Variants in IGF2BP2 observed in about 807,000 individuals in gnomAD.
The protein encoded by IGF2BP2 is insulin-like growth factor 2 mRNA-binding protein 2.
A neutral mutation model predicts 75.8 loss-of-function variants in IGF2BP2; 17 were observed. That is an observed-to-expected ratio of 0.22 (90% CI 0.15 to 0.34). The LOEUF (loss-of-function observed/expected upper bound fraction) is 0.34, where lower values mean the gene tolerates loss of function less well. Among genes scored for constraint, IGF2BP2 ranks in the 10% least tolerant of loss-of-function variants. IGF2BP2 has a pLI of 1.00. For synonymous variants in IGF2BP2, 288 were observed against 295.6 expected, an observed-to-expected ratio of 0.97 and a Z score of 0.26; for missense variants, 516 against 772.4, an observed-to-expected ratio of 0.67 and a Z score of 3.93.
chr3:185,694,858 G>A (rs1351412055), intron 4 of IGF2BP2, among the ~76,000 whole-genome samples: 2 of 152,218 alleles, frequency 1.3e-5, no homozygotes, highest in African/African-American at 4.8e-5. Context: ...AGGCCAAGGT[G>A]GGTGGATCAC....
chr3:185,752,940 A>G (rs1301987548), intron 2 of IGF2BP2, among the ~76,000 whole-genome samples: 1 of 152,206 alleles, frequency 6.6e-6, no homozygotes, highest in East Asian at 1.9e-4. Context: ...GAGAAGTAAG[A>G]CATACAAATT....
intron 2 of IGF2BP2, among the ~76,000 whole-genome samples, chr3:185,772,598 T>C (rs1021590971): frequency 5.4e-5 from 8 of 148,840 alleles, no homozygotes; most frequent in African/African-American, 2.0e-4. Flanking sequence ...TTTTTTTTTT[T>C]TGAGACAAAG....
intron 2 of IGF2BP2, among the ~76,000 whole-genome samples, chr3:185,738,445 G>C (rs1480531705): frequency 6.6e-6 from 1 of 152,202 alleles, no homozygotes; most frequent in Non-Finnish European, 1.5e-5. Context: ...GGCAGGAACA[G>C]CCTAGGGGAG....
chr3:185,742,218 G>A (rs1025386524), intron 2 of IGF2BP2, among the ~76,000 whole-genome samples: 1 of 151,490 alleles, frequency 6.6e-6, no homozygotes, highest in Non-Finnish European at 1.5e-5. Flanking sequence ...AGCCGGCCAG[G>A]CACAGTGGCT....
At chr3:185,797,975 G>A (rs150012264) in intron 2 of IGF2BP2, among the ~76,000 whole-genome samples, 9,009 of 151,348 alleles carry the variant, frequency 0.06, 328 homozygotes, top group African/African-American at 0.1. Context: ...GCCGAGGCAG[G>A]TGGATCACCT....
chr3:185,748,001 G>A (rs573405951), intron 2 of IGF2BP2, among the ~76,000 whole-genome samples: 8 of 152,108 alleles, frequency 5.3e-5, no homozygotes, highest in East Asian at 1.9e-4. Context: ...GACTACAGGC[G>A]CCTGCCACCA....
At chr3:185,822,410 GAT>G (rs1433717184) in intron 2 of IGF2BP2, among the ~76,000 whole-genome samples, 1 of 152,144 alleles carries the variant, frequency 6.6e-6, no homozygotes, top group Non-Finnish European at 1.5e-5. Context: ...TTTAAACAAA[GAT>G]GTTTTCTCTT....
chr3:185,669,519 A>C (rs1322740176), intron 10 of IGF2BP2, among the ~76,000 whole-genome samples: 2 of 149,584 alleles, frequency 1.3e-5, no homozygotes, highest in African/African-American at 4.9e-5. Context: ...CCTGCTTCTT[A>C]AACACTATGC....
At chr3:185,809,073 TA>T (rs1179391149) in intron 2 of IGF2BP2, among the ~76,000 whole-genome samples, 2 of 152,120 alleles carry the variant, frequency 1.3e-5, no homozygotes, top group African/African-American at 2.4e-5. Flanking sequence ...TATATTGCAA[TA>T]AGCGAATAGC....
At chr3:185,701,529 T>C (rs1723307048) in intron 2 of IGF2BP2, among the ~76,000 whole-genome samples, 1 of 152,230 alleles carries the variant, frequency 6.6e-6, no homozygotes, top group African/African-American at 2.4e-5. Flanking sequence ...TATTAATGTA[T>C]GTGGCAAACA....
At chr3:185,749,174 G>GA (rs752536401) in intron 2 of IGF2BP2, among the ~76,000 whole-genome samples, 4 of 150,046 alleles carry the variant, frequency 2.7e-5, no homozygotes, top group East Asian at 1.9e-4. Flanking sequence ...AAAGAAAAAA[G>GA]AAAAAAAAGA....
At chr3:185,794,893 A>T (rs544608673) in intron 2 of IGF2BP2, among the ~76,000 whole-genome samples, 4 of 151,646 alleles carry the variant, frequency 2.6e-5, no homozygotes, top group East Asian at 2.0e-4. Flanking sequence ...TACTCCAGTT[A>T]TCTTTTCTTT....
intron 2 of IGF2BP2, among the ~76,000 whole-genome samples, chr3:185,778,340 G>A (rs1734784922): frequency 6.6e-6 from 1 of 152,130 alleles, no homozygotes; most frequent in African/African-American, 2.4e-5. Context: ...GAATATGGGA[G>A]GAAACTGGAG....
At chr3:185,709,344 T>C (rs1263321138) in intron 2 of IGF2BP2, among the ~76,000 whole-genome samples, 2 of 152,204 alleles carry the variant, frequency 1.3e-5, no homozygotes, top group Non-Finnish European at 2.9e-5. Context: ...ACTACCTGTG[T>C]CTGTTTTTTC....
intron 2 of IGF2BP2, among the ~76,000 whole-genome samples, chr3:185,754,826 G>A (rs1414625031): frequency 6.6e-6 from 1 of 152,160 alleles, no homozygotes; most frequent in Non-Finnish European, 1.5e-5. Flanking sequence ...GGTATCTGGT[G>A]GAAGAAATTT....
intron 2 of IGF2BP2, among the ~76,000 whole-genome samples, chr3:185,821,435 G>C (rs1434439135): frequency 6.6e-6 from 1 of 152,058 alleles, no homozygotes; most frequent in Non-Finnish European, 1.5e-5. Context: ...CTCTTAAACA[G>C]AACAAAATTA....
chr3:185,800,739 AAAGT>A (rs1560491517), intron 2 of IGF2BP2, among the ~76,000 whole-genome samples: 8 of 152,066 alleles, frequency 5.3e-5, no homozygotes, highest in African/African-American at 1.4e-4. Context: ...AGAAAGAAAG[AAAGT>A]ACTTGCTGAA....
intron 10 of IGF2BP2, among the ~76,000 whole-genome samples, chr3:185,661,133 C>G (rs946830965): frequency 6.6e-6 from 1 of 152,220 alleles, no homozygotes; most frequent in Non-Finnish European, 1.5e-5. Flanking sequence ...CTTGAACTTG[C>G]AATCAGGAGC....
intron 10 of IGF2BP2, among the ~76,000 whole-genome samples, chr3:185,660,040 C>T (rs906603412): frequency 5.9e-5 from 9 of 152,188 alleles, no homozygotes; most frequent in South Asian, 2.1e-4. Flanking sequence ...GTGATCCACC[C>T]GCCTCAGCCT....
Sources: allele counts gnomAD v4.1 joint callset (sites outside exome capture counted in the v4.1 genomes callset), GRCh38; gene constraint gnomAD v4.1.1; transcripts MANE v1.5; gene names NCBI Gene and HGNC (gene_info 2026-07-23, HGNC 2026-07-21).